The following ARPP21 variants were observed in gnomAD, a reference collection of about 807,000 sequenced individuals.
ARPP21 encodes the protein cAMP regulated phosphoprotein 21.
A neutral mutation model predicts 113.2 loss-of-function variants in ARPP21; 69 were observed. The ratio of observed to expected loss-of-function variants is 0.61; its 90% CI spans 0.50 to 0.74. The LOEUF is 0.74. Among genes scored for constraint, ARPP21 ranks in the 30% least tolerant of loss-of-function variants. The probability of loss-of-function intolerance (pLI) is 0.00; values close to 1 mark genes in which losing one functional copy is unlikely to be tolerated. For missense variants in ARPP21, 1,070 were observed against 1,037.4 expected (o/e 1.03, Z -0.43); for synonymous variants, 368 against 375.5 (o/e 0.98, Z 0.23).
chr3:35,728,848 A>G (rs1185684086), intron 14 of ARPP21, among the ~76,000 whole-genome samples: 1 of 152,186 alleles, frequency 6.6e-6, no homozygotes, highest in Non-Finnish European at 1.5e-5. Flanking sequence ...CTTCAGAACC[A>G]TGCACATGAA....
chr3:35,649,583 T>C (rs1440804184), intron 1 of ARPP21, among the ~76,000 whole-genome samples: 14 of 152,072 alleles, frequency 9.2e-5, no homozygotes. Flanking sequence ...TTAACCATGG[T>C]GAAGGACACC....
chr3:35,689,289 T>A lies in ARPP21; in HGVS notation c.407-18T>A, dbSNP rs2081549735. 2 of 1,237,826 alleles carry A rather than the reference T, an allele frequency of 1.6e-6. No individual in the cohort carries two copies. The highest frequency in any genetic ancestry group is 1.2e-6 in the Non-Finnish European group (1 of 837,508). The allele number at this position is 1,237,826 out of a possible 1,614,324, so 76.7% of individuals were successfully genotyped here. On this transcript the variant is annotated intron_variant, in intron 6 of 20. Transcript: ENST00000684406. ...TCCACCATCATTCCTGACAGCTCCG[T>A]CCTGCTATTTGTTTCAGATTGCAGC...
intron 12 of ARPP21, 133 bp downstream of exon 12, chr3:35,715,609 G>A (rs556463895): frequency 2.1e-4 from 141 of 656,832 alleles, no homozygotes; most frequent in South Asian, 1.1e-3. Context: ...ATATCTATGC[G>A]TACACACATA....
intron 14 of ARPP21, among the ~76,000 whole-genome samples, chr3:35,722,778 T>C (rs1464550648): frequency 6.6e-6 from 1 of 152,226 alleles, no homozygotes; most frequent in Non-Finnish European, 1.5e-5. Flanking sequence ...GATGCTCACA[T>C]GAGTCTGCAA....
intron 1 of ARPP21, among the ~76,000 whole-genome samples, chr3:35,664,925 G>A (rs1241747213): frequency 1.3e-5 from 2 of 152,210 alleles, no homozygotes; most frequent in Non-Finnish European, 2.9e-5. Context: ...CATACTCTGA[G>A]TGACTTAGCC....
intron 19 of ARPP21, among the ~76,000 whole-genome samples, chr3:35,751,514 T>G (rs2095404420): frequency 6.6e-6 from 1 of 152,134 alleles, no homozygotes; most frequent in Admixed American, 6.6e-5. Context: ...AGAATTGGAA[T>G]TTCTCACGGA....
At chr3:35,700,680 A>G (rs1171226710) in intron 9 of ARPP21, among the ~76,000 whole-genome samples, 1 of 151,774 alleles carries the variant, frequency 6.6e-6, no homozygotes, top group Non-Finnish European at 1.5e-5. Context: ...AGTGAATTCA[A>G]CATGCAAAGT....
intron 19 of ARPP21, among the ~76,000 whole-genome samples, chr3:35,763,679 G>C (rs2095857178): frequency 6.6e-6 from 1 of 152,128 alleles, no homozygotes; most frequent in Non-Finnish European, 1.5e-5. Context: ...CATTGATCTT[G>C]ACTTTGAAGG....
At chr3:35,645,737 A>G (rs147686155) in intron 1 of ARPP21, among the ~76,000 whole-genome samples, 20 of 152,104 alleles carry the variant, frequency 1.3e-4, no homozygotes, top group African/African-American at 4.6e-4. Flanking sequence ...AATACTTGAG[A>G]TAAGATCAAG....
At chr3:35,762,096 C>CCTCTCTCTCTCT (rs373149403) in intron 19 of ARPP21, among the ~76,000 whole-genome samples, 261 of 136,084 alleles carry the variant, frequency 1.9e-3, no homozygotes, top group African/African-American at 7.1e-3. Flanking sequence ...CTCTCTCTCT[C>CCTCTCTCTCTCT]CTCTCTCTCT....
At position 35,729,488 on chromosome 3, in the gene ARPP21, G is replaced by T; in HGVS notation, c.1411G>T (p.Ala471Ser). 1 of 1,614,208 alleles carries T rather than the reference G, an allele frequency of 6.2e-7. No homozygotes were observed. The highest frequency in any genetic ancestry group is 8.5e-7 in the Non-Finnish European group (1 of 1,180,050). Residue 471 changes from alanine (A) to serine (S), a missense_variant, in exon 15 of 21, where the codon GCT becomes TCT. Coordinates refer to ENST00000684406, the MANE Select transcript of ARPP21 (RefSeq NM_001385562.1). ...STSYILLPLE[A>S]ATGIPPGSIL... ...CAGCTACATCCTCCTTCCACTTGAAGCTGCAACAGGCATCCCGCCTGGAAG... is the reference window on the plus strand; with the variant it reads ...CAGCTACATCCTCCTTCCACTTGAATCTGCAACAGGCATCCCGCCTGGAAG...
intron 1 of ARPP21, among the ~76,000 whole-genome samples, chr3:35,678,423 A>T (rs2078050954): frequency 6.6e-6 from 1 of 151,978 alleles, no homozygotes; most frequent in Non-Finnish European, 1.5e-5. Flanking sequence ...AGACACGATG[A>T]TTTCTATTTA....
chr3:35,712,441 C>T (rs2091393715), intron 11 of ARPP21, among the ~76,000 whole-genome samples: 1 of 150,194 alleles, frequency 6.7e-6, no homozygotes, highest in Non-Finnish European at 1.5e-5. Context: ...TACAATTTAG[C>T]AAAAGTCAAA....
chr3:35,653,105 T>C (rs986061429), intron 1 of ARPP21, among the ~76,000 whole-genome samples: 3 of 152,060 alleles, frequency 2.0e-5, no homozygotes, highest in African/African-American at 7.2e-5. Flanking sequence ...TAATTTGTTT[T>C]ATTGTCTTGT....
intron 15 of ARPP21, among the ~76,000 whole-genome samples, chr3:35,731,859 A>G (rs2093997456): frequency 6.6e-6 from 1 of 152,184 alleles, no homozygotes; most frequent in Admixed American, 6.5e-5. Flanking sequence ...CCAAGATTGT[A>G]TGACTATTTT....
intron 7 of ARPP21, among the ~76,000 whole-genome samples, chr3:35,689,639 ACTGG>A (rs2081650311): frequency 6.6e-6 from 1 of 151,646 alleles, no homozygotes; most frequent in South Asian, 2.1e-4. Flanking sequence ...ACAAAGAGAT[ACTGG>A]CTAAGGTGGA....
chr3:35,763,900 A>C (rs966781387), intron 19 of ARPP21, among the ~76,000 whole-genome samples: 36 of 152,142 alleles, frequency 2.4e-4, no homozygotes, highest in African/African-American at 8.7e-4. Context: ...ATGGTAGCTC[A>C]TGCCTGTAAT....
intron 14 of ARPP21, among the ~76,000 whole-genome samples, chr3:35,728,954 G>A (rs559840461): frequency 6.6e-6 from 1 of 152,116 alleles, no homozygotes; most frequent in Admixed American, 6.5e-5. Flanking sequence ...ACATTTCCAT[G>A]GTACTAACTA....
chr3:35,667,885 A>AGAGGAAGAG (rs1553645946), intron 1 of ARPP21, among the ~76,000 whole-genome samples: 11 of 97,698 alleles, frequency 1.1e-4, no homozygotes, highest in Admixed American at 4.3e-4. Context: ...AAGAAGAAGA[A>AGAGGAAGAG]GAAGAGGAAG....
Sources: allele counts gnomAD v4.1 joint callset (sites outside exome capture counted in the v4.1 genomes callset), GRCh38; gene constraint gnomAD v4.1.1; transcripts MANE v1.5; gene names NCBI Gene and HGNC (gene_info 2026-07-23, HGNC 2026-07-21).